ELOVL6: variants seen among roughly 807,000 people sequenced by gnomAD.
ELOVL6 encodes the protein ELOVL fatty acid elongase 6, also known as very long chain fatty acid elongase 6.
ELOVL6 carries 8 observed loss-of-function variants against 31.7 expected under a neutral mutation model. That is an observed-to-expected ratio of 0.25 (90% confidence interval 0.15 to 0.45). The LOEUF (loss-of-function observed/expected upper bound fraction) is 0.45, where lower values mean the gene tolerates loss of function less well. Ranked by LOEUF, ELOVL6 falls within the 20% of genes least tolerant of loss-of-function variation. The probability of loss-of-function intolerance (pLI) is 1.00; values close to 1 mark genes in which losing one functional copy is unlikely to be tolerated. For synonymous variants in ELOVL6, 101 were observed against 117.7 expected (o/e 0.86, Z 0.92); for missense variants, 126 against 326.4 (o/e 0.39, Z 4.73).
At chr4:110,151,180 A>G (rs1219520664) in intron 1 of ELOVL6, among the ~76,000 whole-genome samples, 2 of 151,986 alleles carry the variant, frequency 1.3e-5, no homozygotes, top group East Asian at 1.9e-4. Context: ...TTTTATCCAA[A>G]ATGCTTGGGA....
At chr4:110,072,630 A>G (rs187375721) in intron 2 of ELOVL6, among the ~76,000 whole-genome samples, 1 of 152,288 alleles carries the variant, frequency 6.6e-6, no homozygotes, top group Admixed American at 6.5e-5. Context: ...GGCAGTGACT[A>G]TGTTGCCGAG....
chr4:110,060,564 T>G (rs1487505531), intron 2 of ELOVL6, among the ~76,000 whole-genome samples: 1 of 152,132 alleles, frequency 6.6e-6, no homozygotes, highest in Non-Finnish European at 1.5e-5. Context: ...ATCAGAGAAC[T>G]GGTAAGGAAA....
At chr4:110,063,416 C>T (rs1391918759) in intron 2 of ELOVL6, among the ~76,000 whole-genome samples, 1 of 151,458 alleles carries the variant, frequency 6.6e-6, no homozygotes, top group Non-Finnish European at 1.5e-5. Flanking sequence ...CAAGGAGGGA[C>T]AGCCTAGGCA....
intron 1 of ELOVL6, among the ~76,000 whole-genome samples, chr4:110,131,537 AATATCT>A (rs555876133): frequency 9.3e-4 from 141 of 152,342 alleles, no homozygotes; most frequent in African/African-American, 3.3e-3. Flanking sequence ...ACATTTACTC[AATATCT>A]ATAATATTCA....
chr4:110,052,241 G>A (rs1266268084), intron 3 of ELOVL6, among the ~76,000 whole-genome samples: 1 of 152,180 alleles, frequency 6.6e-6, no homozygotes, highest in African/African-American at 2.4e-5. Context: ...CAAGTGCCCA[G>A]CAAAATGTTC....
intron 2 of ELOVL6, among the ~76,000 whole-genome samples, chr4:110,096,266 C>A (rs1386642901): frequency 2.0e-5 from 3 of 152,118 alleles, no homozygotes; most frequent in Non-Finnish European, 4.4e-5. Flanking sequence ...CTGTCCTGAG[C>A]AGACCAAGTT....
At chr4:110,081,862 C>T (rs1189576317) in intron 2 of ELOVL6, among the ~76,000 whole-genome samples, 3 of 149,484 alleles carry the variant, frequency 2.0e-5, no homozygotes, top group African/African-American at 7.4e-5. Context: ...AGGGTTAATA[C>T]CCAGAATCTA....
chr4:110,096,860 G>A (rs913837717), intron 2 of ELOVL6, among the ~76,000 whole-genome samples: 8 of 152,122 alleles, frequency 5.3e-5, no homozygotes, highest in African/African-American at 1.9e-4. Context: ...GCTGCAATTT[G>A]TTAGGCAGTT....
chr4:110,172,065 C>A (rs1758965574), intron 1 of ELOVL6, among the ~76,000 whole-genome samples: 1 of 151,990 alleles, frequency 6.6e-6, no homozygotes, highest in East Asian at 1.9e-4. Flanking sequence ...TTAGTGCAAC[C>A]CAAAGTCATG....
At chr4:110,124,401 T>G (rs1051033139) in intron 1 of ELOVL6, among the ~76,000 whole-genome samples, 1 of 152,178 alleles carries the variant, frequency 6.6e-6, no homozygotes, top group Admixed American at 6.5e-5. Flanking sequence ...TCATGTCCTT[T>G]GCAGGGACAT....
chr4:110,131,902 G>C (rs1223446159), intron 1 of ELOVL6, among the ~76,000 whole-genome samples: 1 of 152,124 alleles, frequency 6.6e-6, no homozygotes, highest in African/African-American at 2.4e-5. Context: ...AAAAAATAAA[G>C]AGAAGGACAG....
intron 2 of ELOVL6, among the ~76,000 whole-genome samples, chr4:110,067,746 T>C (rs1755347300): frequency 6.6e-6 from 1 of 152,224 alleles, no homozygotes. Context: ...TATGATCCAA[T>C]TTGTGTACAT....
chr4:110,172,098 CAG>C (rs1284171123), intron 1 of ELOVL6, among the ~76,000 whole-genome samples: 1 of 152,132 alleles, frequency 6.6e-6, no homozygotes, highest in African/African-American at 2.4e-5. Flanking sequence ...TGAAGCCACT[CAG>C]AGGTCAGAAA....
intron 1 of ELOVL6, among the ~76,000 whole-genome samples, chr4:110,165,233 AG>A (rs1758741757): frequency 1.3e-5 from 2 of 152,194 alleles, no homozygotes; most frequent in Admixed American, 1.3e-4. Context: ...AAACAATACC[AG>A]GGCACCTGTT....
chr4:110,082,029 C>G (rs1755873653), intron 2 of ELOVL6, among the ~76,000 whole-genome samples: 1 of 148,706 alleles, frequency 6.7e-6, no homozygotes, highest in South Asian at 2.2e-4. Flanking sequence ...AAATGCAAAT[C>G]AAAACCACAA....
chr4:110,170,071 TC>T (rs1758900389), intron 1 of ELOVL6, among the ~76,000 whole-genome samples: 1 of 151,634 alleles, frequency 6.6e-6, no homozygotes, highest in Non-Finnish European at 1.5e-5. Context: ...CACTTTGGCC[TC>T]CCAAAGTGCT....
chr4:110,073,271 G>A (rs903020922), intron 2 of ELOVL6, among the ~76,000 whole-genome samples: 3 of 152,048 alleles, frequency 2.0e-5, no homozygotes, highest in Non-Finnish European at 4.4e-5. Flanking sequence ...CATTCTACCA[G>A]TACTGTCCCA....
chr4:110,086,608 G>A (rs1000302951), intron 2 of ELOVL6, among the ~76,000 whole-genome samples: 1 of 152,140 alleles, frequency 6.6e-6, no homozygotes, highest in Non-Finnish European at 1.5e-5. Context: ...CTCCTGTGCT[G>A]TTATTTTAAT....
chr4:110,123,999 C>A (rs9990641), intron 1 of ELOVL6, among the ~76,000 whole-genome samples: 3,417 of 151,992 alleles, frequency 0.022, 135 homozygotes, highest in African/African-American at 0.078. Flanking sequence ...TCTTAGTTAC[C>A]AAGAAATCCC....
Sources: gnomAD v4.1 joint callset for allele counts (sites outside exome capture counted in the v4.1 genomes callset) on GRCh38, gnomAD v4.1.1 for gene constraint, MANE v1.5 for transcripts, NCBI Gene and HGNC (gene_info 2026-07-23, HGNC 2026-07-21) for gene names.